RTF1: variants seen among roughly 807,000 people sequenced by gnomAD.
RTF1 encodes the protein RTF1 homolog, Paf1/RNA polymerase II complex component, also known as RNA polymerase-associated protein RTF1 homolog.
A neutral mutation model predicts 95.7 loss-of-function variants in RTF1; 10 were observed. That is an observed-to-expected ratio of 0.10 (90% CI 0.06 to 0.18). RTF1 has a LOEUF of 0.18. Ranked by LOEUF, RTF1 falls within the 10% of genes least tolerant of loss-of-function variation. The pLI is 1.00. For synonymous variants in RTF1, 305 were observed against 311.8 expected, an observed-to-expected ratio of 0.98 and a Z score of 0.23; for missense variants, 458 against 875.6, an observed-to-expected ratio of 0.52 and a Z score of 6.02.
chr15:41,443,025 G>A (rs1158742108), intron 2 of RTF1, among the ~76,000 whole-genome samples: 3 of 152,158 alleles, frequency 2.0e-5, no homozygotes, highest in African/African-American at 7.2e-5. Flanking sequence ...CATTAATATA[G>A]GTAGAAAGAA....
chr15:41,467,350 A>G (rs901721134), intron 6 of RTF1, among the ~76,000 whole-genome samples: 10 of 152,164 alleles, frequency 6.6e-5, no homozygotes, highest in African/African-American at 2.4e-4. Context: ...TAGTGTCACT[A>G]TGGGGCCGGG....
intron 4 of RTF1, among the ~76,000 whole-genome samples, chr15:41,460,834 C>T (rs994606044): frequency 6.6e-6 from 1 of 151,708 alleles, no homozygotes; most frequent in Non-Finnish European, 1.5e-5. Flanking sequence ...GCTGGGACTA[C>T]AGGCTGTAGG....
At chr15:41,431,562 G>A in intron 1 of RTF1, among the ~76,000 whole-genome samples, 1 of 152,048 alleles carries the variant, frequency 6.6e-6, no homozygotes, top group East Asian at 1.9e-4. Context: ...CCAGGCTGGA[G>A]TGAAGTGGTT....
Position 41,452,815 on chromosome 15 carries a change from G to A in RTF1, c.310-86G>A, listed in dbSNP as rs1380430015. On this transcript the variant is annotated intron_variant, in intron 2 of 17. Coordinates refer to ENST00000389629, the MANE Select transcript of RTF1 (RefSeq NM_015138.5). ...GTTTTGGATTCAAAGATGAATGCCA[G>A]AGACTCTTAACTCTTGAGTCTTCCA... The A allele has an allele frequency of 3.2e-6, 3 of 937,720 alleles. No homozygotes were observed. In the East Asian group the frequency reaches 8.9e-5, roughly 28 times the overall value. The allele number at this position is 937,720 out of a possible 1,614,324, so 58.1% of individuals were successfully genotyped here.
At chr15:41,425,884 G>A (rs1271444622) in intron 1 of RTF1, among the ~76,000 whole-genome samples, 1 of 152,154 alleles carries the variant, frequency 6.6e-6, no homozygotes, top group Non-Finnish European at 1.5e-5. Context: ...GGGGAGTGCT[G>A]GAGGAGCAGG....
rs1026119202 is a variant in RTF1, at chr15:41,468,528, A to G, written c.890-1729A>G. 5.3e-4 allele frequency among the ~76,000 whole-genome samples: 80 copies of G among 152,110 alleles called. 2 individuals are homozygous for G. The highest frequency in any genetic ancestry group is 1.5e-4 in the Non-Finnish European group (10 of 68,018). ...GAGAAGGGGTTTCACCATGTTAGCC[A>G]GGATGGTCTTGATCTCCTGACCTTG... On this transcript the variant is annotated intron_variant, in intron 6 of 17. Coordinates refer to ENST00000389629, the MANE Select transcript of RTF1 (RefSeq NM_015138.5).
chr15:41,426,681 TCCACCCCGCCCCCCCCCCCCCCCGCCCCC>T (rs1322946108), intron 1 of RTF1, among the ~76,000 whole-genome samples: 2 of 7,174 alleles, frequency 2.8e-4, no homozygotes, highest in African/African-American at 1.3e-3. Context: ...CCTCAGGTGA[TCCACCCCGCCCCCCCCCCCCCCCGCCCCC>T]CCCCCCCGCC....
At chr15:41,463,976 C>T (rs541338255) in intron 4 of RTF1, among the ~76,000 whole-genome samples, 14 of 151,894 alleles carry the variant, frequency 9.2e-5, no homozygotes, top group Admixed American at 3.3e-4. Context: ...CTCAGCCTCC[C>T]GAGTAGCTGG....
At chr15:41,474,470 A>G (rs1044014747) in intron 8 of RTF1, 150 bp from the exon 9 acceptor site, 1 of 660,480 alleles carries the variant, frequency 1.5e-6, no homozygotes, top group Non-Finnish European at 2.8e-6. Flanking sequence ...TCTAAACCTG[A>G]GAAACCTTTC....
chr15:41,456,727 T>C (rs967794862), intron 3 of RTF1, among the ~76,000 whole-genome samples: 1 of 151,608 alleles, frequency 6.6e-6, no homozygotes, highest in Non-Finnish European at 1.5e-5. Flanking sequence ...GAGGTGGAGA[T>C]GGCAGTGAGC....
At chr15:41,434,036 G>A (rs531792944) in intron 1 of RTF1, among the ~76,000 whole-genome samples, 9 of 151,684 alleles carry the variant, frequency 5.9e-5, no homozygotes, top group African/African-American at 9.7e-5. Flanking sequence ...GTAGAGATGC[G>A]GTTTCTCCAT....
At chr15:41,447,931 A>G (rs371032449) in intron 2 of RTF1, among the ~76,000 whole-genome samples, 2 of 152,228 alleles carry the variant, frequency 1.3e-5, no homozygotes, top group East Asian at 3.8e-4. Flanking sequence ...TGGGGAAAGT[A>G]TAAGAGCATC....
Position 41,439,806 on chromosome 15 carries a change from A to G in RTF1, c.309+1375A>G, listed in dbSNP as rs898145466. 3.3e-5 allele frequency among the ~76,000 whole-genome samples: 5 copies of G among 151,778 alleles called. No homozygotes were observed. The South Asian group carries it at 8.3e-4, about 25-fold the overall frequency. The stretch of plus-strand genomic sequence containing the variant: ...AGCTGGAACTACAAGCACGCACCAC[A>G]GTGCCCGGCTGATTTTTGTATTTTT... On this transcript the variant is annotated intron_variant, in intron 2 of 17. Transcript: ENST00000389629.
chr15:41,427,430 C>T (rs545006049), intron 1 of RTF1, among the ~76,000 whole-genome samples: 4 of 152,276 alleles, frequency 2.6e-5, no homozygotes, highest in Non-Finnish European at 4.4e-5. Context: ...GGATTACAGG[C>T]GTGAGCCACT....
chr15:41,466,121 A>G lies in RTF1; in HGVS notation c.778-20A>G, dbSNP rs767320332. ...AGCTGTTGGTAAAAAGGGCCATTCTATATATCCTTCCCTTCCTAGGTAACA... is the reference window on the plus strand; with the variant it reads ...AGCTGTTGGTAAAAAGGGCCATTCTGTATATCCTTCCCTTCCTAGGTAACA... On this transcript the variant is annotated intron_variant, in intron 5 of 17. Transcript: ENST00000389629. 7 of 1,502,854 alleles carry G rather than the reference A, an allele frequency of 4.7e-6. No homozygotes were observed. In the Middle Eastern group the frequency reaches 5.2e-4, roughly 111 times the overall value. The allele number at this position is 1,502,854 out of a possible 1,614,324, so 93.1% of individuals were successfully genotyped here.
chr15:41,468,534 G>A (rs546409128), intron 6 of RTF1, among the ~76,000 whole-genome samples: 16 of 152,182 alleles, frequency 1.1e-4, no homozygotes, highest in Non-Finnish European at 1.8e-4. Context: ...AGCCAGGATG[G>A]TCTTGATCTC....
At chr15:41,442,324 C>T (rs556627925) in intron 2 of RTF1, among the ~76,000 whole-genome samples, 5 of 151,888 alleles carry the variant, frequency 3.3e-5, no homozygotes, top group Admixed American at 6.6e-5. Flanking sequence ...CTCACCACCA[C>T]GCCTGGCTAA....
chr15:41,473,621 G>C (rs531557609), intron 8 of RTF1, among the ~76,000 whole-genome samples: 20 of 152,158 alleles, frequency 1.3e-4, no homozygotes, highest in Non-Finnish European at 1.5e-5. Flanking sequence ...AGCATGCAGC[G>C]GTGTGATCAG....
chr15:41,445,990 G>A (rs370627184), intron 2 of RTF1, among the ~76,000 whole-genome samples: 2 of 151,784 alleles, frequency 1.3e-5, no homozygotes, highest in Non-Finnish European at 2.9e-5. Flanking sequence ...TGTCTGCCTC[G>A]GCCTCCCAGA....
Sources: gnomAD v4.1 joint callset for allele counts (sites outside exome capture counted in the v4.1 genomes callset) on GRCh38, gnomAD v4.1.1 for gene constraint, MANE v1.5 for transcripts, NCBI Gene and HGNC (gene_info 2026-07-23, HGNC 2026-07-21) for gene names.